RABEP1: variants seen among roughly 807,000 people sequenced by gnomAD.
RABEP1 encodes rab GTPase-binding effector protein 1.
Under a neutral mutation model 123.4 loss-of-function variants are expected in RABEP1, and 51 were observed. That is an observed-to-expected ratio of 0.41 (90% CI 0.33 to 0.52). RABEP1 has a LOEUF of 0.52. RABEP1 is among the 20% of genes least tolerant of loss of function. The pLI is 0.16. For synonymous variants in RABEP1, 347 were observed against 355.2 expected, an observed-to-expected ratio of 0.98 and a Z score of 0.26; for missense variants, 888 against 996.3, an observed-to-expected ratio of 0.89 and a Z score of 1.46.
intron 12 of RABEP1, among the ~76,000 whole-genome samples, chr17:5,371,047 A>G (rs990491509): frequency 1.3e-5 from 2 of 151,948 alleles, no homozygotes; most frequent in African/African-American, 4.8e-5. Context: ...GCTCACTGCA[A>G]GCTCCGCCTC....
At chr17:5,367,579 CT>C (rs766558158) in intron 11 of RABEP1, among the ~76,000 whole-genome samples, 4 of 148,620 alleles carry the variant, frequency 2.7e-5, no homozygotes, top group African/African-American at 7.3e-5. Flanking sequence ...AAGGGTAAAA[CT>C]TTTTTTTAAA....
rs559047202 is a variant in RABEP1, at chr17:5,298,685, T to C, written c.35-10009T>C. ...TTTTTTTTTTTTTTGAGACGGAGTC[T>C]CGCTCTGTCGCCCAGGCTGGAGTGC... is the stretch of plus-strand genomic sequence containing the variant. On this transcript the variant is annotated intron_variant, in intron 1 of 17. Transcript: ENST00000537505. Among the ~76,000 whole-genome samples, 10 of 147,936 alleles carry C rather than the reference T, an allele frequency of 6.8e-5. No homozygotes were observed. In the South Asian group the frequency reaches 2.1e-3, roughly 31 times the overall value.
chr17:5,372,759 A>T (rs920157999), intron 12 of RABEP1, among the ~76,000 whole-genome samples: 2 of 146,574 alleles, frequency 1.4e-5, no homozygotes, highest in Admixed American at 1.4e-4. Context: ...GAAAATATTA[A>T]TTTTTTTTTT....
At chr17:5,289,934 T>C (rs957277181) in intron 1 of RABEP1, among the ~76,000 whole-genome samples, 2 of 152,212 alleles carry the variant, frequency 1.3e-5, no homozygotes, top group Non-Finnish European at 2.9e-5. Flanking sequence ...TTAATTTTCA[T>C]GTCTTACCTG....
chr17:5,372,759 ATTTT>A (rs56024470), intron 12 of RABEP1, among the ~76,000 whole-genome samples: 1 of 146,572 alleles, frequency 6.8e-6, no homozygotes, highest in Non-Finnish European at 1.5e-5. Flanking sequence ...GAAAATATTA[ATTTT>A]TTTTTTTTTT....
intron 1 of RABEP1, among the ~76,000 whole-genome samples, chr17:5,291,509 A>G (rs1456261609): frequency 6.6e-6 from 1 of 152,246 alleles, no homozygotes; most frequent in African/African-American, 2.4e-5. Context: ...ATATTTTAAA[A>G]CAATTGATCA....
intron 8 of RABEP1, among the ~76,000 whole-genome samples, chr17:5,359,235 G>C (rs564192616): frequency 1.9e-3 from 285 of 152,080 alleles, no homozygotes; most frequent in East Asian, 6.4e-3. Context: ...CACCACGCCT[G>C]GCTAATTTTT....
chr17:5,319,764 T>G (rs1371059685), intron 2 of RABEP1, among the ~76,000 whole-genome samples: 40 of 151,956 alleles, frequency 2.6e-4, no homozygotes, highest in Admixed American at 2.6e-3. Flanking sequence ...CATCAGAGGC[T>G]CTCAGTAGCA....
intron 11 of RABEP1, among the ~76,000 whole-genome samples, chr17:5,367,824 G>A (rs1239478160): frequency 6.6e-6 from 1 of 150,420 alleles, no homozygotes; most frequent in South Asian, 2.2e-4. Flanking sequence ...GTGCGTTCTG[G>A]GCTCACTGCA....
intron 2 of RABEP1, among the ~76,000 whole-genome samples, chr17:5,329,589 A>T (rs1286584227): frequency 6.6e-6 from 1 of 152,182 alleles, no homozygotes; most frequent in Non-Finnish European, 1.5e-5. Flanking sequence ...TGAAAGCTAT[A>T]TGAAGGATTG....
At chr17:5,290,456 T>G (rs1380413939) in intron 1 of RABEP1, among the ~76,000 whole-genome samples, 4 of 152,210 alleles carry the variant, frequency 2.6e-5, no homozygotes, top group Non-Finnish European at 4.4e-5. Flanking sequence ...GTGCACCCAC[T>G]GTGCTTCCCT....
chr17:5,291,137 G>A (rs1375586221), intron 1 of RABEP1, among the ~76,000 whole-genome samples: 2 of 152,148 alleles, frequency 1.3e-5, no homozygotes, highest in Non-Finnish European at 1.5e-5. Flanking sequence ...CTTGCTGAGC[G>A]TGGTGGCTCA....
intron 1 of RABEP1, among the ~76,000 whole-genome samples, chr17:5,283,180 A>AT (rs2056915760): frequency 6.6e-6 from 1 of 152,128 alleles, no homozygotes; most frequent in Non-Finnish European, 1.5e-5. Flanking sequence ...TATTTTATCT[A>AT]TAAAAATAGC....
At chr17:5,324,699 A>G (rs115243602) in intron 2 of RABEP1, among the ~76,000 whole-genome samples, 2,897 of 152,358 alleles carry the variant, frequency 0.019, 89 homozygotes, top group African/African-American at 0.066. Flanking sequence ...CAATGTATGA[A>G]GAAGATTTGT....
chr17:5,343,758 C>T lies in RABEP1; in HGVS notation c.649-3032C>T, dbSNP rs1010525050. 2.0e-4 allele frequency among the ~76,000 whole-genome samples: 30 copies of T among 148,282 alleles called. 1 individual carries two copies. The highest frequency in any genetic ancestry group is 7.3e-4 in the African/African-American group (29 of 39,910). ...TGGCATGATCTTGGCTCACTGCACC[C>T]TCCACCTCCCAGGTTCAAGCGATTC... On this transcript the variant is annotated intron_variant, in intron 5 of 17. Transcript: ENST00000537505.
intron 2 of RABEP1, among the ~76,000 whole-genome samples, chr17:5,321,045 C>T (rs909174729): frequency 2.0e-5 from 3 of 152,220 alleles, no homozygotes; most frequent in Admixed American, 6.5e-5. Flanking sequence ...TGCAGTGGCT[C>T]ATGCCTGTAA....
At chr17:5,378,332 G>GC (rs764020753) in intron 15 of RABEP1, 100 bp downstream of exon 15, 3 of 1,180,138 alleles carry the variant, frequency 2.5e-6, no homozygotes, top group Non-Finnish European at 3.8e-6. Context: ...TAAGGCATGG[G>GC]CCCTGCCTTA....
chr17:5,285,892 A>C (rs939840618), intron 1 of RABEP1, among the ~76,000 whole-genome samples: 2 of 152,038 alleles, frequency 1.3e-5, no homozygotes, highest in Admixed American at 1.3e-4. Flanking sequence ...ACCAGGCATG[A>C]TTTATGGCCT....
intron 12 of RABEP1, among the ~76,000 whole-genome samples, chr17:5,369,765 A>G (rs1438613834): frequency 6.6e-6 from 1 of 151,534 alleles, no homozygotes; most frequent in Non-Finnish European, 1.5e-5. Context: ...TAATGGCGCA[A>G]TCTCGGCTCA....
Sources: gnomAD v4.1 joint callset for allele counts (sites outside exome capture counted in the v4.1 genomes callset) on GRCh38, gnomAD v4.1.1 for gene constraint, MANE v1.5 for transcripts, NCBI Gene and HGNC (gene_info 2026-07-23, HGNC 2026-07-21) for gene names.